Variants in OGDH observed in about 807,000 individuals in gnomAD.
The protein encoded by OGDH is oxoglutarate dehydrogenase.
A neutral mutation model predicts 116.6 loss-of-function variants in OGDH; 38 were observed. The ratio of observed to expected loss-of-function variants is 0.33; its 90% confidence interval spans 0.25 to 0.43. The LOEUF (loss-of-function observed/expected upper bound fraction) is 0.43, where lower values mean the gene tolerates loss of function less well. Among genes scored for constraint, OGDH ranks in the 20% least tolerant of loss-of-function variants. The pLI, the probability that OGDH is intolerant of heterozygous loss-of-function variation, is 1.00. For missense variants in OGDH, 825 were observed against 1,357.2 expected (o/e 0.61, Z 6.16); for synonymous variants, 488 against 533.3 (o/e 0.92, Z 1.17).
chr7:44,638,486 T>TTTC (rs1456766013), intron 2 of OGDH, among the ~76,000 whole-genome samples: 2 of 152,214 alleles, frequency 1.3e-5, no homozygotes, highest in African/African-American at 4.8e-5. Flanking sequence ...TTTTCCCCAT[T>TTTC]ACTGTGCTTT....
intron 9 of OGDH, chr7:44,676,586 A>G (rs1232600752): frequency 1.0e-5 from 2 of 200,288 alleles, no homozygotes; most frequent in Non-Finnish European, 1.7e-5. Flanking sequence ...TAAAAAATAT[A>G]TGTATATGTA....
chr7:44,626,336 T>TACAC (rs138545641), intron 2 of OGDH, among the ~76,000 whole-genome samples: 40 of 144,410 alleles, frequency 2.8e-4, no homozygotes, highest in Middle Eastern at 3.6e-3. Flanking sequence ...CACACACCCC[T>TACAC]ACACACACAC....
At chr7:44,688,878 T>C (rs1788248191) in intron 10 of OGDH, among the ~76,000 whole-genome samples, 1 of 152,002 alleles carries the variant, frequency 6.6e-6, no homozygotes, top group Admixed American at 6.6e-5. Flanking sequence ...ACCTCCCGAG[T>C]AGCTGGGACT....
chr7:44,607,131 A>C (rs1444885211), intron 1 of OGDH, among the ~76,000 whole-genome samples: 3 of 152,194 alleles, frequency 2.0e-5, no homozygotes, highest in Non-Finnish European at 4.4e-5. Flanking sequence ...TCCGAAAGAC[A>C]GTGTGGCCTG....
chr7:44,673,293 CGAT>C (rs2116141194), intron 5 of OGDH, among the ~76,000 whole-genome samples: 1 of 152,192 alleles, frequency 6.6e-6, no homozygotes. Flanking sequence ...ACTCCCGCCT[CGAT>C]GACAGAGACC....
At chr7:44,683,851 C>T (rs1330582276) in intron 10 of OGDH, among the ~76,000 whole-genome samples, 5 of 152,158 alleles carry the variant, frequency 3.3e-5, no homozygotes, top group African/African-American at 7.2e-5. Flanking sequence ...TTCCCCTCAT[C>T]GATGCGTGTG....
At chr7:44,701,039 G>A (rs1166702710) in intron 19 of OGDH, among the ~76,000 whole-genome samples, 2 of 152,128 alleles carry the variant, frequency 1.3e-5, no homozygotes, top group African/African-American at 4.8e-5. Flanking sequence ...ACAAAAAAAA[G>A]GAAGGAGTGT....
intron 1 of OGDH, among the ~76,000 whole-genome samples, chr7:44,610,093 G>A (rs888725900): frequency 1.3e-5 from 2 of 152,024 alleles, no homozygotes; most frequent in Non-Finnish European, 2.9e-5. Context: ...AGGATTTCAG[G>A]CATGAGCCAC....
intron 10 of OGDH, among the ~76,000 whole-genome samples, chr7:44,686,689 CTT>C (rs35917984): frequency 7.5e-5 from 10 of 133,194 alleles, no homozygotes; most frequent in Non-Finnish European, 1.1e-4. Context: ...TTCTTTTTTT[CTT>C]TTTTTTTTTT....
At chr7:44,704,369 TA>T (rs1788971456) in intron 20 of OGDH, among the ~76,000 whole-genome samples, 1 of 152,106 alleles carries the variant, frequency 6.6e-6, no homozygotes. Flanking sequence ...AACTGTCTAT[TA>T]AAATCCTTTT....
At chr7:44,691,056 T>C (rs138163517) in intron 10 of OGDH, among the ~76,000 whole-genome samples, 26 of 152,316 alleles carry the variant, frequency 1.7e-4, no homozygotes, top group Admixed American at 3.9e-4. Flanking sequence ...ATATTTTCTT[T>C]ATCTCTTTAC....
At chr7:44,688,254 C>T (rs545865154) in intron 10 of OGDH, among the ~76,000 whole-genome samples, 43 of 151,816 alleles carry the variant, frequency 2.8e-4, no homozygotes, top group Admixed American at 3.9e-4. Flanking sequence ...GCCTGTAATC[C>T]CAGCTACTCT....
intron 4 of OGDH, among the ~76,000 whole-genome samples, chr7:44,664,735 G>A (rs926028261): frequency 6.6e-6 from 1 of 152,138 alleles, no homozygotes; most frequent in South Asian, 2.1e-4. Context: ...TGGGGGAATA[G>A]GGAAGAATAT....
At chr7:44,633,892 C>T (rs1585253534) in intron 2 of OGDH, among the ~76,000 whole-genome samples, 1 of 152,260 alleles carries the variant, frequency 6.6e-6, no homozygotes, top group African/African-American at 2.4e-5. Context: ...GAAGCGTTCT[C>T]ATTTCCTGAG....
In OGDH at chr7:44,707,423, A is replaced by C. The variant is rs1026576539; in HGVS notation, c.2796+35A>C. On this transcript the variant is annotated intron_variant, in intron 21 of 22. Coordinates refer to ENST00000222673, the MANE Select transcript of OGDH (RefSeq NM_002541.4). The surrounding 1 kb of genome is among the most constrained non-coding windows in gnomAD (Gnocchi z 5.2). Reference sequence around the variant, plus strand: ...GGTGGTGCCATCAGGGTGTCCCCCCAGCGGGGGTCAGGGCTCTGGTGCCTT... The same window carrying C: ...GGTGGTGCCATCAGGGTGTCCCCCCCGCGGGGGTCAGGGCTCTGGTGCCTT... 4 of 1,612,024 alleles carry C rather than the reference A, an allele frequency of 2.5e-6. No individual in the cohort carries two copies. The highest frequency in any genetic ancestry group is 3.4e-6 in the Non-Finnish European group (4 of 1,178,834).
chr7:44,693,342 C>T (rs1788444945), intron 10 of OGDH, among the ~76,000 whole-genome samples: 1 of 151,588 alleles, frequency 6.6e-6, no homozygotes, highest in Non-Finnish European at 1.5e-5. Flanking sequence ...GGGCACAGTG[C>T]CTCACTCCTA....
intron 2 of OGDH, among the ~76,000 whole-genome samples, chr7:44,629,375 C>T (rs1366423335): frequency 6.6e-6 from 1 of 152,144 alleles, no homozygotes; most frequent in African/African-American, 2.4e-5. Flanking sequence ...ACAGTGCCTT[C>T]AGCAGCTGCC....
rs905037515 is a variant in OGDH, at chr7:44,670,786, G to A, written c.634-3001G>A. On this transcript the variant is annotated intron_variant, in intron 5 of 22. Coordinates refer to ENST00000222673, the MANE Select transcript of OGDH (RefSeq NM_002541.4). The stretch of plus-strand genomic sequence containing the variant: ...AGCACTTTGGGAGGCCAAGGCGGGC[G>A]AATCACGAGGTCAGGAGATCGAGAC... Among the ~76,000 whole-genome samples the A allele has an allele frequency of 2.6e-5, 4 of 152,076 alleles. No homozygotes were observed. In the South Asian group the frequency reaches 6.2e-4, roughly 24 times the overall value.
chr7:44,655,400 A>G (rs532799611), intron 4 of OGDH, among the ~76,000 whole-genome samples: 11 of 152,254 alleles, frequency 7.2e-5, no homozygotes, highest in African/African-American at 2.4e-4. Flanking sequence ...CTTGCCCAGG[A>G]CTGGAGACTA....
Sources: gnomAD v4.1 joint callset for allele counts (sites outside exome capture counted in the v4.1 genomes callset) on GRCh38, gnomAD v4.1.1 for gene constraint, Gnocchi (gnomAD v3.1) non-coding constraint, MANE v1.5 for transcripts, NCBI Gene and HGNC (gene_info 2026-07-23, HGNC 2026-07-21) for gene names.